PDE11A: variants seen among roughly 807,000 people sequenced by gnomAD.
PDE11A encodes the protein dual 3',5'-cyclic-AMP and -GMP phosphodiesterase 11A.
A neutral mutation model predicts 100.5 loss-of-function variants in PDE11A; 100 were observed. The ratio of observed to expected loss-of-function variants is 1.00; its 90% CI spans 0.85 to 1.18. PDE11A has a LOEUF of 1.18. PDE11A is among the 50% of genes most tolerant of loss of function. The probability of loss-of-function intolerance (pLI) is 0.00; values close to 1 mark genes in which losing one functional copy is unlikely to be tolerated. For synonymous variants in PDE11A, 381 were observed against 420.8 expected (o/e 0.91, Z 1.16); for missense variants, 1,141 against 1,152.6 (o/e 0.99, Z 0.15).
chr2:178,005,592 A>G (rs149855364), intron 2 of PDE11A, among the ~76,000 whole-genome samples: 37 of 152,302 alleles, frequency 2.4e-4, no homozygotes, highest in African/African-American at 8.2e-4. Flanking sequence ...GAGGGCAAGA[A>G]TTTTTGTCTG....
intron 2 of PDE11A, among the ~76,000 whole-genome samples, chr2:177,956,942 A>G (rs562605808): frequency 2.9e-4 from 44 of 152,274 alleles, no homozygotes; most frequent in African/African-American, 9.6e-4. Context: ...TTAGAGATAT[A>G]CCTAATGTAA....
intron 19 of PDE11A, among the ~76,000 whole-genome samples, chr2:177,637,910 CATAT>C (rs2080067568): frequency 3.0e-5 from 1 of 33,016 alleles, no homozygotes; most frequent in Admixed American, 8.1e-4. Flanking sequence ...TACATATATA[CATAT>C]ATACACATAC....
At chr2:177,722,316 G>T (rs1334496582) in intron 12 of PDE11A, among the ~76,000 whole-genome samples, 4 of 152,064 alleles carry the variant, frequency 2.6e-5, no homozygotes, top group Admixed American at 2.6e-4. Flanking sequence ...CTGATGGTGC[G>T]GGAGAATTTA....
intron 6 of PDE11A, among the ~76,000 whole-genome samples, chr2:177,829,490 C>G (rs1338685958): frequency 6.6e-6 from 1 of 151,978 alleles, no homozygotes; most frequent in African/African-American, 2.4e-5. Context: ...TATAGCCAGG[C>G]TGGAATGCAG....
chr2:177,793,182 T>A (rs898079968), intron 9 of PDE11A, among the ~76,000 whole-genome samples: 5 of 152,058 alleles, frequency 3.3e-5, no homozygotes, highest in African/African-American at 1.2e-4. Flanking sequence ...GATAAAGACT[T>A]CATTAGAGTC....
At chr2:178,035,959 A>T (rs1280779361) in intron 1 of PDE11A, among the ~76,000 whole-genome samples, 1 of 152,112 alleles carries the variant, frequency 6.6e-6, no homozygotes, top group Non-Finnish European at 1.5e-5. Flanking sequence ...TTTGAAAACC[A>T]ACACAAGACA....
At chr2:177,863,544 A>G (rs1174035142) in intron 5 of PDE11A, among the ~76,000 whole-genome samples, 2 of 152,112 alleles carry the variant, frequency 1.3e-5, no homozygotes, top group Non-Finnish European at 2.9e-5. Context: ...CATTTCTCCA[A>G]TGAAGACATT....
chr2:177,862,820 C>G (rs1033028171), intron 5 of PDE11A, among the ~76,000 whole-genome samples: 2 of 151,716 alleles, frequency 1.3e-5, no homozygotes, highest in African/African-American at 4.8e-5. Flanking sequence ...CTTACAGAAA[C>G]AGAAAAAACC....
chr2:178,021,154 G>A (rs1048190632), intron 1 of PDE11A, among the ~76,000 whole-genome samples: 3 of 151,904 alleles, frequency 2.0e-5, no homozygotes, highest in Admixed American at 6.6e-5. Context: ...AGAGATGGGG[G>A]TTTCACCATG....
intron 9 of PDE11A, among the ~76,000 whole-genome samples, chr2:177,815,737 T>C (rs2083027487): frequency 1.3e-5 from 2 of 152,202 alleles, no homozygotes; most frequent in Admixed American, 1.3e-4. Context: ...ACATCTCAAA[T>C]CAGAGCAGTG....
At chr2:177,720,545 G>C (rs1000034716) in intron 12 of PDE11A, among the ~76,000 whole-genome samples, 1 of 152,130 alleles carries the variant, frequency 6.6e-6, no homozygotes, top group Admixed American at 6.5e-5. Flanking sequence ...GAAGAGAAAA[G>C]GGGGCACCTT....
chr2:178,046,097 G>A (rs904886379), intron 1 of PDE11A, among the ~76,000 whole-genome samples: 7 of 152,256 alleles, frequency 4.6e-5, no homozygotes, highest in Admixed American at 1.3e-4. Context: ...AGGAAGTAAC[G>A]GTGTCTATCT....
chr2:177,728,761 G>A (rs1264432767), intron 10 of PDE11A, among the ~76,000 whole-genome samples: 2 of 152,138 alleles, frequency 1.3e-5, no homozygotes, highest in Non-Finnish European at 2.9e-5. Context: ...ATAAGCCTAT[G>A]TTTCACTGAG....
chr2:177,967,747 C>T (rs1026522695), intron 2 of PDE11A, among the ~76,000 whole-genome samples: 3 of 152,050 alleles, frequency 2.0e-5, no homozygotes, highest in African/African-American at 7.2e-5. Context: ...ATACTAGTCA[C>T]TTTCTCTAAT....
chr2:178,087,063 G>A (rs1185151343), intron 2 of PDE11A, among the ~76,000 whole-genome samples: 5 of 152,148 alleles, frequency 3.3e-5, no homozygotes, highest in Non-Finnish European at 5.9e-5. Flanking sequence ...TCAGCTGGGC[G>A]CTGTGGCTCA....
chr2:178,064,649 T>C (rs1423150426), intron 1 of PDE11A, among the ~76,000 whole-genome samples: 3 of 149,934 alleles, frequency 2.0e-5, no homozygotes, highest in Non-Finnish European at 4.4e-5. Flanking sequence ...TCTGTTATTA[T>C]GTTAAAAAAA....
chr2:177,807,994 C>T (rs773999782), intron 9 of PDE11A, among the ~76,000 whole-genome samples: 4 of 152,086 alleles, frequency 2.6e-5, no homozygotes, highest in South Asian at 2.1e-4. Flanking sequence ...TAATGAAAGA[C>T]GTGAAATTTG....
chr2:178,037,217 T>C (rs1440023405), intron 1 of PDE11A, among the ~76,000 whole-genome samples: 2 of 152,168 alleles, frequency 1.3e-5, no homozygotes, highest in Non-Finnish European at 1.5e-5. Context: ...GCAAAGGCTA[T>C]GAACAGATAC....
chr2:177,912,778 T>C (rs908271778), intron 2 of PDE11A, among the ~76,000 whole-genome samples: 2 of 152,234 alleles, frequency 1.3e-5, no homozygotes, highest in African/African-American at 2.4e-5. Flanking sequence ...TCTCTCTTTT[T>C]CCTTTCACAT....
Sources: allele counts gnomAD v4.1 joint callset (sites outside exome capture counted in the v4.1 genomes callset), GRCh38; gene constraint gnomAD v4.1.1; transcripts MANE v1.5; gene names NCBI Gene and HGNC (gene_info 2026-07-23, HGNC 2026-07-21).